Variants in CREB3L2 observed in about 807,000 individuals in gnomAD.
CREB3L2 encodes the protein cyclic AMP-responsive element-binding protein 3-like protein 2.
Under a neutral mutation model 57.2 loss-of-function variants are expected in CREB3L2, and 23 were observed. That is an observed-to-expected ratio of 0.40 (90% confidence interval 0.29 to 0.57). The LOEUF (loss-of-function observed/expected upper bound fraction) is 0.57, where lower values mean the gene tolerates loss of function less well. CREB3L2 is among the 20% of genes least tolerant of loss of function. The pLI, the probability that CREB3L2 is intolerant of heterozygous loss-of-function variation, is 0.42. For missense variants in CREB3L2, 628 were observed against 634.7 expected, an observed-to-expected ratio of 0.99 and a Z score of 0.11; for synonymous variants, 268 against 265.1, an observed-to-expected ratio of 1.01 and a Z score of -0.11.
intron 9 of CREB3L2, 120 bp downstream of exon 9, chr7:137,885,283 G>GGC: frequency 8.6e-7 from 1 of 1,168,048 alleles, no homozygotes; most frequent in African/African-American, 1.5e-5. Flanking sequence ...CAGCCTCAGA[G>GGC]TGGAGTTCCT....
chr7:137,985,739 C>A (rs562438396), intron 1 of CREB3L2, among the ~76,000 whole-genome samples: 1 of 152,202 alleles, frequency 6.6e-6, no homozygotes, highest in Admixed American at 6.5e-5. Flanking sequence ...TGCCAACCCA[C>A]CCCCTCAAAA....
At chr7:137,935,274 T>C (rs977008568) in intron 1 of CREB3L2, among the ~76,000 whole-genome samples, 7 of 152,254 alleles carry the variant, frequency 4.6e-5, no homozygotes, top group African/African-American at 1.7e-4. Flanking sequence ...AAAAGCTCTT[T>C]TAAAAAACTA....
rs757961936 is a variant in CREB3L2 at position 137,885,390 on chromosome 7, C to T, written c.1143+13G>A. The stretch of plus-strand genomic sequence containing the variant: ...CAGGGGCGGTCACTGTGCTACCCTG[C>T]TGGGAAGCTCACCATGAGGCAGGTG... On this transcript the variant is annotated intron_variant, in intron 9 of 11. Transcript: ENST00000330387. The T allele has an allele frequency of 6.2e-7, 1 of 1,611,034 alleles. No individual in the cohort carries two copies. Among genetic ancestry groups the T allele is most frequent in the South Asian group, 1.1e-5 (1 of 90,998 alleles).
intron 5 of CREB3L2, among the ~76,000 whole-genome samples, chr7:137,907,812 C>T (rs1376347031): frequency 6.6e-6 from 1 of 152,088 alleles, no homozygotes; most frequent in East Asian, 1.9e-4. Context: ...TGTTTTTGAC[C>T]TTTAGGCATC....
intron 1 of CREB3L2, among the ~76,000 whole-genome samples, chr7:137,938,079 C>T (rs1055463081): frequency 5.3e-5 from 8 of 152,154 alleles, no homozygotes; most frequent in Admixed American, 2.0e-4. Context: ...AACTCTGACA[C>T]GGATACTATA....
At chr7:137,957,128 G>A (rs1382622818) in intron 1 of CREB3L2, among the ~76,000 whole-genome samples, 3 of 151,954 alleles carry the variant, frequency 2.0e-5, no homozygotes, top group Non-Finnish European at 4.4e-5. Flanking sequence ...TGAACACAGC[G>A]CTCATCACTC....
At chr7:137,931,519 C>T (rs1395301998) in intron 1 of CREB3L2, among the ~76,000 whole-genome samples, 1 of 119,264 alleles carries the variant, frequency 8.4e-6, no homozygotes, top group Non-Finnish European at 1.6e-5. Context: ...GAGACTCCGT[C>T]TCAAAAAAAA....
At chr7:137,946,880 C>CTATATAGTTATATATATAGTTATA (rs1422069826) in intron 1 of CREB3L2, among the ~76,000 whole-genome samples, 7 of 34,050 alleles carry the variant, frequency 2.1e-4, no homozygotes, top group East Asian at 1.3e-3. Flanking sequence ...ATATAGTTAT[C>CTATATAGTTATATATATAGTTATA]TATATAGTTA....
intron 11 of CREB3L2, 29 bp downstream of exon 11, chr7:137,882,383 G>T: frequency 6.4e-7 from 1 of 1,555,486 alleles, no homozygotes; most frequent in East Asian, 2.3e-5. Context: ...GTGCACTAGA[G>T]GAGTTGGCTC....
At chr7:137,899,612 C>A (rs1799711719) in intron 8 of CREB3L2, among the ~76,000 whole-genome samples, 1 of 152,230 alleles carries the variant, frequency 6.6e-6, no homozygotes, top group Admixed American at 6.5e-5. Context: ...GACTAACGGC[C>A]AAAGGCAAGC....
chr7:137,961,582 T>A (rs1488527726), intron 1 of CREB3L2, among the ~76,000 whole-genome samples: 1 of 152,134 alleles, frequency 6.6e-6, no homozygotes, highest in African/African-American at 2.4e-5. Context: ...AGGCCTCAAC[T>A]CTTCCTGTCA....
chr7:137,956,438 C>A (rs1801212322), intron 1 of CREB3L2: 2 of 374,466 alleles, frequency 5.3e-6, no homozygotes, highest in Admixed American at 6.7e-5. Flanking sequence ...CGGGTTTCCT[C>A]CCCAGTGCAA....
At chr7:137,952,165 T>C (rs1420556986) in intron 1 of CREB3L2, among the ~76,000 whole-genome samples, 1 of 152,242 alleles carries the variant, frequency 6.6e-6, no homozygotes, top group African/African-American at 2.4e-5. Flanking sequence ...CAAGTCCTTA[T>C]TGTCAAGTAT....
intron 8 of CREB3L2, among the ~76,000 whole-genome samples, chr7:137,899,527 C>G (rs1265245032): frequency 1.4e-5 from 2 of 147,704 alleles, no homozygotes; most frequent in African/African-American, 5.1e-5. Context: ...GGAGCAGGAT[C>G]CAGAGAAACA....
chr7:137,899,089 AG>A (rs879552309), intron 8 of CREB3L2, among the ~76,000 whole-genome samples: 8,518 of 89,704 alleles, frequency 0.095, 359 homozygotes, highest in Admixed American at 0.14. Flanking sequence ...AGGAAGAAAA[AG>A]GAAAGAGAAG....
At chr7:137,957,912 T>A in intron 1 of CREB3L2, 1 of 515,902 alleles carries the variant, frequency 1.9e-6, no homozygotes, top group South Asian at 1.7e-5. Flanking sequence ...CCCAAGGGAA[T>A]AATGGCTACA....
chr7:138,001,512 T>C lies in CREB3L2; in HGVS notation c.102+92A>G, dbSNP rs1025368728. On this transcript the variant is annotated intron_variant, in intron 1 of 11. Transcript: ENST00000330387. This position sits in a 1 kb window ranked among gnomAD's most constrained non-coding sequence, Gnocchi z 4.2. ...TCTGACCATGCCCTGCCCCAAACCC[T>C]GCCTTCCCGGGTCCCAGGACTCCAG... 1.1e-5 allele frequency: 10 copies of C among 933,210 alleles called. No homozygotes were observed. The Admixed American group carries it at 2.4e-4, about 22-fold the overall frequency. The allele number at this position is 933,210 out of a possible 1,614,324, so 57.8% of individuals were successfully genotyped here.
rs113311965 is a variant in CREB3L2, at chr7:137,947,500, C to A, written c.103-19134G>T. Among the ~76,000 whole-genome samples, 1,126 of 152,214 alleles carry A rather than the reference C, an allele frequency of 7.4e-3. 15 individuals are homozygous for A. The highest frequency in any genetic ancestry group is 0.026 in the African/African-American group (1,064 of 41,520). On this transcript the variant is annotated intron_variant, in intron 1 of 11. Coordinates refer to ENST00000330387, the MANE Select transcript of CREB3L2 (RefSeq NM_194071.4). Reference sequence around the variant, plus strand: ...ACTGGGGGTGTAGTCCTGGCCTGTGCCCTCCGGGGCTCCCCTGAGCCTCTC... The same window carrying A: ...ACTGGGGGTGTAGTCCTGGCCTGTGACCTCCGGGGCTCCCCTGAGCCTCTC...
rs1291496841 is a variant in CREB3L2, at chr7:137,879,196, G to C, written c.*1280C>G. The C allele has an allele frequency of 3.8e-6, 2 of 526,884 alleles. No individual in the cohort carries two copies. Among genetic ancestry groups the C allele is most frequent in the Non-Finnish European group, 3.7e-6 (1 of 273,446 alleles). 32.6% of individuals were successfully genotyped at this position (526,884 alleles called of 1,614,324 possible). On this transcript the variant is annotated 3_prime_UTR_variant, in exon 12 of 12. Transcript: ENST00000330387. The stretch of plus-strand genomic sequence containing the variant: ...AAAAAAAACAAAAAAACTAAAAGTA[G>C]GTTGGGGATTAGGTTGTATCTCTTT...
Sources: allele counts gnomAD v4.1 joint callset (sites outside exome capture counted in the v4.1 genomes callset), GRCh38; gene constraint gnomAD v4.1.1; non-coding constraint Gnocchi (gnomAD v3.1); transcripts MANE v1.5; gene names NCBI Gene and HGNC (gene_info 2026-07-23, HGNC 2026-07-21).